The following EPHB2 variants were observed in gnomAD, a reference collection of about 807,000 sequenced individuals.
EPHB2 encodes the protein EPH receptor B2, also known as ephrin type-B receptor 2.
EPHB2 carries 18 observed loss-of-function variants against 96.4 expected under a neutral mutation model. The ratio of observed to expected loss-of-function variants is 0.19; its 90% CI spans 0.13 to 0.28. The LOEUF is 0.28. Ranked by LOEUF, EPHB2 falls within the 10% of genes least tolerant of loss-of-function variation. The probability of loss-of-function intolerance (pLI) is 1.00; values close to 1 mark genes in which losing one functional copy is unlikely to be tolerated. For synonymous variants in EPHB2, 506 were observed against 534.1 expected (o/e 0.95, Z 0.72); for missense variants, 989 against 1,355.4 (o/e 0.73, Z 4.25).
chr1:22,717,127 A>C (rs970680889), intron 1 of EPHB2, among the ~76,000 whole-genome samples: 2 of 152,136 alleles, frequency 1.3e-5, no homozygotes, highest in Non-Finnish European at 2.9e-5. Context: ...ATGAAGTGAA[A>C]TCAATCAGAG....
chr1:22,868,205 T>C (rs531560167), intron 5 of EPHB2, among the ~76,000 whole-genome samples: 14 of 151,366 alleles, frequency 9.2e-5, no homozygotes, highest in Admixed American at 5.9e-4. Flanking sequence ...TACCCAGGAG[T>C]AGAGATGGGG....
At chr1:22,905,935 T>A in intron 9 of EPHB2, 52 bp from the exon 10 acceptor site, 1 of 1,613,768 alleles carries the variant, frequency 6.2e-7, no homozygotes, top group Non-Finnish European at 8.5e-7. Context: ...CTTTTCCTTT[T>A]TGTGTGCATC....
intron 3 of EPHB2, among the ~76,000 whole-genome samples, chr1:22,814,739 C>T (rs934408446): frequency 2.6e-5 from 4 of 152,278 alleles, no homozygotes; most frequent in South Asian, 2.1e-4. Flanking sequence ...CCCAGGGAGG[C>T]GGGGAAGAAG....
intron 1 of EPHB2, among the ~76,000 whole-genome samples, chr1:22,771,693 GGCATT>G (rs1479004152): frequency 6.6e-6 from 1 of 152,168 alleles, no homozygotes; most frequent in Non-Finnish European, 1.5e-5. Context: ...TAACGTGGCA[GGCATT>G]GTTCCATGCA....
At chr1:22,754,425 C>T (rs923656132) in intron 1 of EPHB2, among the ~76,000 whole-genome samples, 1 of 152,160 alleles carries the variant, frequency 6.6e-6, no homozygotes, top group Non-Finnish European at 1.5e-5. Context: ...ACTATAAATA[C>T]AACAGAGGCA....
At chr1:22,739,272 G>C (rs979872077) in intron 1 of EPHB2, among the ~76,000 whole-genome samples, 1 of 152,064 alleles carries the variant, frequency 6.6e-6, no homozygotes, top group African/African-American at 2.4e-5. Flanking sequence ...CTGGAGTGCA[G>C]TGGCATGATC....
intron 3 of EPHB2, among the ~76,000 whole-genome samples, chr1:22,838,408 T>C (rs1645415489): frequency 6.6e-6 from 1 of 152,246 alleles, no homozygotes; most frequent in Admixed American, 6.5e-5. Context: ...GGGAATAGTA[T>C]AGGCATTAAC....
At chr1:22,722,523 A>G (rs753196152) in intron 1 of EPHB2, among the ~76,000 whole-genome samples, 11 of 152,334 alleles carry the variant, frequency 7.2e-5, no homozygotes, top group Admixed American at 2.0e-4. Context: ...GGGAGGTGTT[A>G]AAACATGGCT....
At chr1:22,831,862 A>G (rs759325219) in intron 3 of EPHB2, among the ~76,000 whole-genome samples, 60 of 152,218 alleles carry the variant, frequency 3.9e-4, no homozygotes, top group African/African-American at 1.3e-3. Context: ...GCTGACCATC[A>G]TGGGTTCCAG....
At chr1:22,741,195 C>A (rs1377399049) in intron 1 of EPHB2, among the ~76,000 whole-genome samples, 1 of 152,038 alleles carries the variant, frequency 6.6e-6, no homozygotes, top group East Asian at 1.9e-4. Context: ...TCCTCTGATT[C>A]TATCTAAGTG....
chr1:22,778,685 C>T (rs1053424147), intron 1 of EPHB2, among the ~76,000 whole-genome samples: 23 of 152,228 alleles, frequency 1.5e-4, no homozygotes, highest in African/African-American at 5.5e-4. Context: ...ACCAGCCAGC[C>T]CATTTACTTC....
At chr1:22,897,487 T>TC (rs1357403752) in intron 9 of EPHB2, among the ~76,000 whole-genome samples, 13 of 152,148 alleles carry the variant, frequency 8.5e-5, no homozygotes, top group South Asian at 2.1e-4. Flanking sequence ...GTGCTGGGGA[T>TC]CCCAGCACCT....
chr1:22,781,563 A>G, intron 2 of EPHB2, 78 bp downstream of exon 2: 2 of 1,439,718 alleles, frequency 1.4e-6, no homozygotes, highest in Non-Finnish European at 9.7e-7. Flanking sequence ...ATGCCCCCTC[A>G]TATTCTAACC....
chr1:22,809,334 G>A (rs1321078421), intron 3 of EPHB2, among the ~76,000 whole-genome samples: 2 of 152,230 alleles, frequency 1.3e-5, no homozygotes, highest in African/African-American at 2.4e-5. Flanking sequence ...AGACAATTAA[G>A]TGGAGCTTAG....
intron 3 of EPHB2, among the ~76,000 whole-genome samples, chr1:22,793,589 A>AGGTG (rs369191657): frequency 9.0e-4 from 137 of 152,242 alleles, no homozygotes; most frequent in African/African-American, 3.2e-3. Flanking sequence ...AGCAGAAGAA[A>AGGTG]GGTGTTCTTG....
chr1:22,788,431 C>G (rs1475280231), intron 3 of EPHB2, among the ~76,000 whole-genome samples: 1 of 152,252 alleles, frequency 6.6e-6, no homozygotes, highest in East Asian at 1.9e-4. Context: ...AGGACACCAG[C>G]TGTTGCTGTG....
chr1:22,821,563 A>G (rs1227839318), intron 3 of EPHB2, among the ~76,000 whole-genome samples: 1 of 152,258 alleles, frequency 6.6e-6, no homozygotes, highest in African/African-American at 2.4e-5. Context: ...AGCCTGTCTC[A>G]GTAATCACAA....
At chr1:22,761,031 C>T (rs879704249) in intron 1 of EPHB2, among the ~76,000 whole-genome samples, 9 of 152,188 alleles carry the variant, frequency 5.9e-5, no homozygotes, top group Non-Finnish European at 4.4e-5. Context: ...TTGCCAAGTG[C>T]AGGTCTGTAG....
intron 1 of EPHB2, among the ~76,000 whole-genome samples, chr1:22,723,157 G>A (rs1003433643): frequency 1.3e-5 from 2 of 152,218 alleles, no homozygotes; most frequent in Non-Finnish European, 2.9e-5. Flanking sequence ...GAAGCCGGAA[G>A]GACAAAAAGC....
Sources: allele counts gnomAD v4.1 joint callset (sites outside exome capture counted in the v4.1 genomes callset), GRCh38; gene constraint gnomAD v4.1.1; transcripts MANE v1.5; gene names NCBI Gene and HGNC (gene_info 2026-07-23, HGNC 2026-07-21).